LOXL2: variants seen among roughly 807,000 people sequenced by gnomAD.
LOXL2 encodes the protein lysyl oxidase like 2, also known as lysyl oxidase homolog 2.
A neutral mutation model predicts 93.0 loss-of-function variants in LOXL2; 70 were observed. The ratio of observed to expected loss-of-function variants is 0.75; its 90% CI spans 0.62 to 0.92. The LOEUF is 0.92. Ranked by LOEUF, LOXL2 falls within the 40% of genes least tolerant of loss-of-function variation. The probability of loss-of-function intolerance (pLI) is 0.00; values close to 1 mark genes in which losing one functional copy is unlikely to be tolerated. For synonymous variants in LOXL2, 438 were observed against 413.2 expected (o/e 1.06, Z -0.73); for missense variants, 973 against 1,054.9 (o/e 0.92, Z 1.08).
At chr8:23,317,892 G>C (rs1803427628) in intron 8 of LOXL2, among the ~76,000 whole-genome samples, 1 of 94,446 alleles carries the variant, frequency 1.1e-5, no homozygotes, top group Non-Finnish European at 2.8e-5. Flanking sequence ...GGCAGGATTA[G>C]AGCTCAGGGA....
intron 9 of LOXL2, among the ~76,000 whole-genome samples, chr8:23,314,865 A>ACAAC (rs1563187567): frequency 1.6e-4 from 24 of 152,042 alleles, no homozygotes; most frequent in Middle Eastern, 3.4e-3. Context: ...AAAAGGAGAA[A>ACAAC]AACAACAACA....
At chr8:23,315,694 G>T (rs11135725) in intron 9 of LOXL2, among the ~76,000 whole-genome samples, 16,425 of 152,112 alleles carry the variant, frequency 0.11, 1,604 homozygotes, top group African/African-American at 0.26. Context: ...ACTGTGAAAT[G>T]AATGACCTAC....
In LOXL2 at chr8:23,355,868, C is replaced by G. The variant is rs1265020251; in HGVS notation, c.531+4222G>C. Among the ~76,000 whole-genome samples the G allele has an allele frequency of 6.6e-5, 10 of 152,004 alleles. No individual in the cohort carries two copies. In the East Asian group the frequency reaches 1.9e-3, roughly 29 times the overall value. ...AAGCAATCTGCCCACCTCTGCCACC[C>G]AAAGTGCTGGGATTACAGATGTGAG... is the stretch of plus-strand genomic sequence containing the variant. On this transcript the variant is annotated intron_variant, in intron 3 of 13. Coordinates refer to ENST00000389131, the MANE Select transcript of LOXL2 (RefSeq NM_002318.3).
chr8:23,368,971 G>A (rs1026878753), intron 1 of LOXL2, among the ~76,000 whole-genome samples: 7 of 152,080 alleles, frequency 4.6e-5, no homozygotes, highest in African/African-American at 1.7e-4. Flanking sequence ...TCATTCTGGT[G>A]CCTCCTATTA....
intron 3 of LOXL2, among the ~76,000 whole-genome samples, chr8:23,355,535 T>C (rs1804182346): frequency 7.4e-6 from 1 of 135,284 alleles, no homozygotes; most frequent in African/African-American, 2.8e-5. Context: ...TTTTTTTTTT[T>C]TTTTTAGCAG....
intron 8 of LOXL2, among the ~76,000 whole-genome samples, chr8:23,318,300 A>G (rs1803435609): frequency 6.6e-6 from 1 of 152,158 alleles, no homozygotes; most frequent in African/African-American, 2.4e-5. Flanking sequence ...TGCAGACTTC[A>G]GACCTGCCAG....
At chr8:23,399,445 T>C (rs1413611094) in intron 1 of LOXL2, among the ~76,000 whole-genome samples, 1 of 152,196 alleles carries the variant, frequency 6.6e-6, no homozygotes, top group African/African-American at 2.4e-5. Context: ...CATAAACTGA[T>C]GAATCCATTC....
chr8:23,297,729 G>C lies in LOXL2; in HGVS notation c.*314C>G. ...CTGTGGTGAGCTCGGTGGCTTGAAT[G>C]GGACAAGCTGATGACAACCTGTCTG... On this transcript the variant is annotated 3_prime_UTR_variant, in exon 14 of 14. Coordinates refer to ENST00000389131, the MANE Select transcript of LOXL2 (RefSeq NM_002318.3). The C allele has an allele frequency of 9.0e-6, 2 of 221,968 alleles. No individual in the cohort carries two copies. The highest frequency in any genetic ancestry group is 1.4e-4 in the South Asian group (1 of 6,998). 13.7% of individuals were successfully genotyped at this position (221,968 alleles called of 1,614,324 possible).
chr8:23,349,665 G>T (rs1804058522), intron 3 of LOXL2, among the ~76,000 whole-genome samples: 2 of 151,962 alleles, frequency 1.3e-5, no homozygotes. Flanking sequence ...TTGCACTAGG[G>T]TTTACTTTTC....
intron 1 of LOXL2, chr8:23,386,071 G>T (rs764597602): frequency 5.2e-6 from 4 of 764,708 alleles, no homozygotes; most frequent in Non-Finnish European, 9.6e-6. Flanking sequence ...GAGACAGAAA[G>T]GCTACATGAT....
intron 1 of LOXL2, among the ~76,000 whole-genome samples, chr8:23,381,576 T>C (rs145641563): frequency 7.9e-4 from 120 of 152,370 alleles, no homozygotes; most frequent in African/African-American, 2.8e-3. Flanking sequence ...GTGGAGCTTT[T>C]TCTCTCCCTT....
intron 8 of LOXL2, among the ~76,000 whole-genome samples, chr8:23,318,414 A>G (rs570057837): frequency 7.4e-6 from 1 of 135,894 alleles, no homozygotes; most frequent in Admixed American, 8.2e-5. Context: ...CATACATCCT[A>G]TTGGTTGATA....
intron 1 of LOXL2, among the ~76,000 whole-genome samples, chr8:23,374,959 A>AT (rs1478828280): frequency 6.6e-6 from 1 of 152,100 alleles, no homozygotes; most frequent in Non-Finnish European, 1.5e-5. Context: ...ATTAGATCCC[A>AT]TTTGTTAATT....
chr8:23,319,235 G>T (rs989821108), intron 8 of LOXL2, among the ~76,000 whole-genome samples: 1 of 145,756 alleles, frequency 6.9e-6, no homozygotes, highest in African/African-American at 2.5e-5. Flanking sequence ...GGAATGCGTC[G>T]GGATTAGACC....
intron 8 of LOXL2, among the ~76,000 whole-genome samples, 169 bp downstream of exon 8, chr8:23,319,715 AG>A (rs1325379622): frequency 6.6e-6 from 1 of 152,140 alleles, no homozygotes; most frequent in Non-Finnish European, 1.5e-5. Context: ...CAGGCCTGTA[AG>A]GAGCAGCGCT....
In LOXL2 at chr8:23,345,935, G is replaced by A. The variant is rs2117187195; in HGVS notation, c.532-4732C>T. Among the ~76,000 whole-genome samples, 3 of 151,866 alleles carry A rather than the reference G, an allele frequency of 2.0e-5. No homozygotes were observed. In the South Asian group the frequency reaches 6.2e-4, roughly 32 times the overall value. ...TACAAAAAATTAGCCAGGCATGGTG[G>A]CGGGCGCCTGTAGTCCCAGCTACTC... On this transcript the variant is annotated intron_variant, in intron 3 of 13. Coordinates refer to ENST00000389131, the MANE Select transcript of LOXL2 (RefSeq NM_002318.3).
At chr8:23,371,429 G>A (rs1466210498) in intron 1 of LOXL2, among the ~76,000 whole-genome samples, 1 of 152,174 alleles carries the variant, frequency 6.6e-6, no homozygotes, top group African/African-American at 2.4e-5. Context: ...AGAATGTCCT[G>A]TGGGGTTTAA....
intron 1 of LOXL2, chr8:23,386,041 T>C: frequency 1.3e-6 from 1 of 765,180 alleles, no homozygotes; most frequent in Non-Finnish European, 2.4e-6. Flanking sequence ...AGCATCCCTA[T>C]TTTCCTAAGG....
At chr8:23,358,544 C>A (rs2117202872) in intron 3 of LOXL2, among the ~76,000 whole-genome samples, 1 of 152,248 alleles carries the variant, frequency 6.6e-6, no homozygotes, top group South Asian at 2.1e-4. Context: ...TCCCATAATC[C>A]CTTGGGGGTG....
Sources: allele counts gnomAD v4.1 joint callset (sites outside exome capture counted in the v4.1 genomes callset), GRCh38; gene constraint gnomAD v4.1.1; transcripts MANE v1.5; gene names NCBI Gene and HGNC (gene_info 2026-07-23, HGNC 2026-07-21).